Variants in DLC1 observed in about 807,000 individuals in gnomAD.
The protein encoded by DLC1 is rho GTPase-activating protein 7.
DLC1 carries 54 observed loss-of-function variants against 140.3 expected under a neutral mutation model. The ratio of observed to expected loss-of-function variants is 0.38; its 90% CI spans 0.31 to 0.48. DLC1 has a LOEUF of 0.48. Ranked by LOEUF, DLC1 falls within the 20% of genes least tolerant of loss-of-function variation. DLC1 has a pLI of 0.96. For synonymous variants in DLC1, 986 were observed against 728.1 expected (o/e 1.35, Z -5.70); for missense variants, 2,536 against 1,907.0 (o/e 1.33, Z -6.14).
At chr8:13,160,517 C>G (rs540102756) in intron 5 of DLC1, among the ~76,000 whole-genome samples, 4 of 152,286 alleles carry the variant, frequency 2.6e-5, no homozygotes, top group African/African-American at 9.6e-5. Context: ...GCTGGGCATT[C>G]CCATCTCTGC....
intron 5 of DLC1, among the ~76,000 whole-genome samples, chr8:13,298,231 G>C (rs181508965): frequency 6.6e-6 from 1 of 152,238 alleles, no homozygotes; most frequent in Admixed American, 6.5e-5. Context: ...TAAACATTCT[G>C]AGAAAAATGA....
chr8:13,248,242 C>T (rs907388411), intron 5 of DLC1, among the ~76,000 whole-genome samples: 6 of 152,202 alleles, frequency 3.9e-5, no homozygotes, highest in African/African-American at 1.4e-4. Flanking sequence ...ATTGATAACA[C>T]ACTCTCTTAT....
chr8:13,267,814 GAA>G (rs1830753847), intron 5 of DLC1, among the ~76,000 whole-genome samples: 1 of 151,270 alleles, frequency 6.6e-6, no homozygotes, highest in Non-Finnish European at 1.5e-5. Context: ...CATAAAGAAA[GAA>G]AGAACCAAGA....
chr8:13,556,187 G>C (rs567305641), intron 1 of DLC1, among the ~76,000 whole-genome samples: 2 of 152,088 alleles, frequency 1.3e-5, no homozygotes, highest in Non-Finnish European at 2.9e-5. Flanking sequence ...CTACACAAGG[G>C]ATTTGCTTTA....
At chr8:13,369,932 A>G (rs1406273183) in intron 4 of DLC1, among the ~76,000 whole-genome samples, 1 of 151,418 alleles carries the variant, frequency 6.6e-6, no homozygotes, top group African/African-American at 2.4e-5. Context: ...AAAAAATGGA[A>G]AAAGGAAAAA....
In DLC1 at chr8:13,218,107, C is replaced by A. The variant is rs187942502; in HGVS notation, c.1348+87162G>T. On this transcript the variant is annotated intron_variant, in intron 5 of 17. Coordinates refer to ENST00000276297, the MANE Select transcript of DLC1 (RefSeq NM_182643.3). ...TATAATAATTAACTAAAATGCTATC[C>A]ACTAGAAAGTTTCAAAATCAATGGG... Among the ~76,000 whole-genome samples the A allele has an allele frequency of 1.0e-2, 1,517 of 152,182 alleles. 12 individuals carry two copies. The highest frequency in any genetic ancestry group is 0.035 in the South Asian group (170 of 4,810).
chr8:13,552,214 C>A (rs1308594979), intron 1 of DLC1, among the ~76,000 whole-genome samples: 2 of 120,158 alleles, frequency 1.7e-5, no homozygotes, highest in East Asian at 2.5e-4. Context: ...TATATATATA[C>A]CTGTCTAGAC....
At chr8:13,399,805 C>T (rs1260607100) in intron 3 of DLC1, among the ~76,000 whole-genome samples, 1 of 152,088 alleles carries the variant, frequency 6.6e-6, no homozygotes, top group African/African-American at 2.4e-5. Flanking sequence ...TTATTATATG[C>T]AGAACTTCTT....
At chr8:13,279,863 G>C (rs897219698) in intron 5 of DLC1, among the ~76,000 whole-genome samples, 6 of 152,102 alleles carry the variant, frequency 3.9e-5, no homozygotes, top group African/African-American at 1.4e-4. Context: ...AACTATCCCA[G>C]TTTTCTATGA....
chr8:13,217,853 AC>A (rs201301794), intron 5 of DLC1, among the ~76,000 whole-genome samples: 16,705 of 137,578 alleles, frequency 0.12, 1,011 homozygotes, highest in South Asian at 0.16. Context: ...AAAAACAACA[AC>A]AAAAAAAAAC....
intron 5 of DLC1, among the ~76,000 whole-genome samples, chr8:13,185,464 C>T (rs192139450): frequency 1.0e-3 from 158 of 151,918 alleles, no homozygotes; most frequent in African/African-American, 3.4e-3. Context: ...CCCGCCACCA[C>T]GCCCGGCTAA....
chr8:13,403,749 C>T (rs1474200789), intron 2 of DLC1, among the ~76,000 whole-genome samples: 1 of 149,470 alleles, frequency 6.7e-6, no homozygotes, highest in African/African-American at 2.5e-5. Context: ...CCAAGTGATC[C>T]TTCTATCTCA....
intron 1 of DLC1, chr8:13,568,037 C>A: frequency 7.4e-7 from 1 of 1,354,284 alleles, no homozygotes; most frequent in Non-Finnish European, 9.9e-7. Context: ...CTTTACTATG[C>A]TTCCTTCACA....
chr8:13,133,614 A>C (rs1822329701), intron 5 of DLC1: 1 of 128,988 alleles, frequency 7.8e-6, no homozygotes, highest in African/African-American at 2.9e-5. Flanking sequence ...CCACGTTCCC[A>C]GCGGGAAGCG....
chr8:13,405,034 T>A (rs771821500), intron 2 of DLC1, among the ~76,000 whole-genome samples: 5 of 151,870 alleles, frequency 3.3e-5, no homozygotes, highest in African/African-American at 1.2e-4. Flanking sequence ...AAATTTTGTG[T>A]ACTTCTGGAG....
intron 5 of DLC1, among the ~76,000 whole-genome samples, chr8:13,304,217 T>G (rs901861998): frequency 1.3e-5 from 2 of 152,220 alleles, no homozygotes; most frequent in African/African-American, 4.8e-5. Context: ...CAATTACTTT[T>G]GCACCAACCT....
At chr8:13,207,578 G>A (rs1424847102) in intron 5 of DLC1, among the ~76,000 whole-genome samples, 1 of 152,008 alleles carries the variant, frequency 6.6e-6, no homozygotes, top group Non-Finnish European at 1.5e-5. Flanking sequence ...TATTAAAAAA[G>A]AAACTCAACC....
At chr8:13,102,893 C>A (rs1174281466) in intron 7 of DLC1, 40 bp from the exon 8 acceptor site, 4 of 1,573,972 alleles carry the variant, frequency 2.5e-6, no homozygotes, top group Non-Finnish European at 3.5e-6. Flanking sequence ...GATAGGCAAC[C>A]ACTCTCTAAT....
intron 4 of DLC1, among the ~76,000 whole-genome samples, chr8:13,307,800 G>GT: frequency 6.6e-6 from 1 of 152,266 alleles, no homozygotes; most frequent in East Asian, 1.9e-4. Context: ...ATCCTGGAAG[G>GT]TAAAGTAACT....
Sources: gnomAD v4.1 joint callset for allele counts (sites outside exome capture counted in the v4.1 genomes callset) on GRCh38, gnomAD v4.1.1 for gene constraint, MANE v1.5 for transcripts, NCBI Gene and HGNC (gene_info 2026-07-23, HGNC 2026-07-21) for gene names.